ARHGAP29: variants seen among roughly 807,000 people sequenced by gnomAD.
ARHGAP29 encodes Rho GTPase activating protein 29, also known as rho GTPase-activating protein 29.
A neutral mutation model predicts 122.6 loss-of-function variants in ARHGAP29; 43 were observed. That is an observed-to-expected ratio of 0.35 (90% CI 0.27 to 0.45). ARHGAP29 has a LOEUF of 0.45. ARHGAP29 is among the 20% of genes least tolerant of loss of function. The pLI, the probability that ARHGAP29 is intolerant of heterozygous loss-of-function variation, is 1.00. For missense variants in ARHGAP29, 1,303 were observed against 1,477.2 expected (o/e 0.88, Z 1.93); for synonymous variants, 506 against 497.1 (o/e 1.02, Z -0.24).
chr1:94,179,813 G>A lies in ARHGAP29; in HGVS notation c.2392C>T (p.Arg798Ter). 1.2e-6 allele frequency: 2 copies of A among 1,613,282 alleles called. No individual in the cohort carries two copies. Among genetic ancestry groups the A allele is most frequent in the Non-Finnish European group, 1.7e-6 (2 of 1,179,650 alleles). ...AGGTCTTTGCTTTTTAGAAGAATTCGGTTTATTTCTATACACATATTTGGC... is the reference window on the plus strand; with the variant it reads ...AGGTCTTTGCTTTTTAGAAGAATTCAGTTTATTTCTATACACATATTTGGC... Reference protein sequence around the residue: ...KWPNMCIEINRILLKSKDLLR... With the variant: ...KWPNMCIEIN The change falls in exon 20 of 23, where the codon CGA (arginine) becomes TGA (stop). Residue 798 changes from arginine to a stop codon, truncating the protein, a stop_gained. Coordinates refer to ENST00000260526, the MANE Select transcript of ARHGAP29 (RefSeq NM_004815.4). LOFTEE classifies it high-confidence loss of function.
At chr1:94,222,384 G>A (rs1652353695) in intron 2 of ARHGAP29, among the ~76,000 whole-genome samples, 1 of 152,170 alleles carries the variant, frequency 6.6e-6, no homozygotes, top group African/African-American at 2.4e-5. Flanking sequence ...GAAGACAGGT[G>A]ACCAAGGTCA....
chr1:94,303,145 C>G, the ARHGAP29 span: 1 of 152,514 alleles, frequency 6.6e-6, no homozygotes, highest in Non-Finnish European at 1.5e-5. Context: ...CTCATTGTTT[C>G]TACATCAGAC....
intron 1 of ARHGAP29, among the ~76,000 whole-genome samples, chr1:94,268,069 C>T (rs1359568007): frequency 6.6e-6 from 1 of 152,068 alleles, no homozygotes; most frequent in Admixed American, 6.6e-5. Context: ...AACAAAAAAA[C>T]TAGTAAATTT....
chr1:94,201,754 G>T lies in ARHGAP29; in HGVS notation c.1247C>A (p.Thr416Lys). The T allele has an allele frequency of 6.2e-7, 1 of 1,613,844 alleles. No homozygotes were observed. The highest frequency in any genetic ancestry group is 8.5e-7 in the Non-Finnish European group (1 of 1,179,954). Residue 416 changes from threonine (T) to lysine (K), a missense_variant, in exon 12 of 23, where the codon ACA becomes AAA. Coordinates refer to ENST00000260526, the MANE Select transcript of ARHGAP29 (RefSeq NM_004815.4). ...TKREILAQLR[T>K]LVFQCDLTLK... is the part of the protein sequence containing the mutation. The stretch of plus-strand genomic sequence containing the variant: ...GGTAAGATCACACTGGAAAACAAGT[G>T]TCCGGAGTTGTGCTAAAATTTCTCT...
the ARHGAP29 span, among the ~76,000 whole-genome samples, chr1:94,309,685 G>T: frequency 6.6e-6 from 1 of 152,132 alleles, no homozygotes; most frequent in Non-Finnish European, 1.5e-5. Flanking sequence ...GATGATGCAG[G>T]AGAGAAAGAG....
intron 2 of ARHGAP29, among the ~76,000 whole-genome samples, chr1:94,224,275 T>C (rs185409350): frequency 3.3e-5 from 5 of 152,332 alleles, no homozygotes; most frequent in African/African-American, 9.6e-5. Flanking sequence ...TGCCCTCTTT[T>C]TGAAACCTAA....
At chr1:94,268,216 T>A (rs959626462) in intron 1 of ARHGAP29, among the ~76,000 whole-genome samples, 1 of 152,184 alleles carries the variant, frequency 6.6e-6, no homozygotes, top group African/African-American at 2.4e-5. Flanking sequence ...CCATAGACAA[T>A]ATTCAATACA....
chr1:94,291,943 T>C, the ARHGAP29 span, among the ~76,000 whole-genome samples: 4 of 152,218 alleles, frequency 2.6e-5, no homozygotes, highest in Non-Finnish European at 4.4e-5. Flanking sequence ...GGGTTGCTCT[T>C]CTTGAGGAGT....
chr1:94,292,232 A>G, the ARHGAP29 span, among the ~76,000 whole-genome samples: 1 of 152,082 alleles, frequency 6.6e-6, no homozygotes, highest in Non-Finnish European at 1.5e-5. Flanking sequence ...CCTTTCTTCC[A>G]CTTAATCAAA....
chr1:94,308,793 T>C, the ARHGAP29 span, among the ~76,000 whole-genome samples: 1 of 152,240 alleles, frequency 6.6e-6, no homozygotes, highest in South Asian at 2.1e-4. Flanking sequence ...TTGGCATTTA[T>C]GTGTATGTAA....
At chr1:94,189,080 C>T (rs931905469) in intron 14 of ARHGAP29, 136 bp downstream of exon 14, 1 of 1,352,848 alleles carries the variant, frequency 7.4e-7, no homozygotes, top group Non-Finnish European at 1.0e-6. Context: ...ACCATGGTAA[C>T]AACTGTGAAT....
chr1:94,306,836 A>G, the ARHGAP29 span, among the ~76,000 whole-genome samples: 1 of 152,254 alleles, frequency 6.6e-6, no homozygotes, highest in Non-Finnish European at 1.5e-5. Flanking sequence ...CTCTCCTGTC[A>G]AAAGAAAGTA....
At chr1:94,220,514 C>G (rs1380014296) in intron 2 of ARHGAP29, 122 bp from the exon 3 acceptor site, 1 of 782,076 alleles carries the variant, frequency 1.3e-6, no homozygotes, top group Non-Finnish European at 1.9e-6. Context: ...GCCTACTATA[C>G]ATTCATTTAT....
chr1:94,264,198 A>T (rs1048225118), intron 1 of ARHGAP29, among the ~76,000 whole-genome samples: 7 of 152,306 alleles, frequency 4.6e-5, no homozygotes, highest in South Asian at 2.1e-4. Flanking sequence ...CCATCTGACT[A>T]TGGCAACCCT....
intron 22 of ARHGAP29, chr1:94,177,333 T>C: frequency 3.7e-6 from 1 of 272,346 alleles, no homozygotes; most frequent in Non-Finnish European, 6.9e-6. Context: ...TTTTAGCTGA[T>C]GGCAAAACTC....
intron 1 of ARHGAP29, among the ~76,000 whole-genome samples, chr1:94,263,565 T>C (rs2100719312): frequency 6.6e-6 from 1 of 152,262 alleles, no homozygotes; most frequent in African/African-American, 2.4e-5. Context: ...CCCTTCCCTA[T>C]TTCCCCTTGG....
Position 94,174,412 on chromosome 1 carries a change from C to T in ARHGAP29, c.3243G>A (p.Gln1081=). Reference sequence around the variant, plus strand: ...GGCTGTTTTGTTCATACTGTTTGTCCTGAATTTTCTGTAGAGTTTGCTGGT... The same window carrying T: ...GGCTGTTTTGTTCATACTGTTTGTCTTGAATTTTCTGTAGAGTTTGCTGGT... ...GFDQQTLQKI[Q]DKQYEQNSLT... The change falls in exon 23 of 23, where the codon CAG becomes CAA. Residue 1081 remains glutamine, a synonymous_variant. Coordinates refer to ENST00000260526, the MANE Select transcript of ARHGAP29 (RefSeq NM_004815.4). 4 of 1,614,156 alleles carry T rather than the reference C, an allele frequency of 2.5e-6. No individual in the cohort carries two copies. The highest frequency in any genetic ancestry group is 3.4e-6 in the Non-Finnish European group (4 of 1,180,036).
the ARHGAP29 span, among the ~76,000 whole-genome samples, chr1:94,311,987 A>G: frequency 6.6e-6 from 1 of 152,064 alleles, no homozygotes; most frequent in Admixed American, 6.6e-5. Context: ...CTCTCTTTCT[A>G]CTGGATTATT....
chr1:94,289,704 G>C, the ARHGAP29 span, among the ~76,000 whole-genome samples: 4 of 152,188 alleles, frequency 2.6e-5, no homozygotes, highest in Non-Finnish European at 4.4e-5. Flanking sequence ...AGCATGAAAG[G>C]CTGTTGAATT....
Sources: allele counts gnomAD v4.1 joint callset (sites outside exome capture counted in the v4.1 genomes callset), GRCh38; gene constraint gnomAD v4.1.1; transcripts MANE v1.5; gene names NCBI Gene and HGNC (gene_info 2026-07-23, HGNC 2026-07-21).